The following ERCC4 variants were observed in gnomAD, a reference collection of about 807,000 sequenced individuals.
The protein encoded by ERCC4 is ERCC excision repair 4, endonuclease catalytic subunit.
ERCC4 carries 65 observed loss-of-function variants against 76.9 expected under a neutral mutation model. The observed-to-expected ratio is 0.84, with a 90% confidence interval of 0.69 to 1.04. The LOEUF (loss-of-function observed/expected upper bound fraction) is 1.04, where lower values mean the gene tolerates loss of function less well. ERCC4 is among the 50% of genes least tolerant of loss of function. The pLI is 0.00. For missense variants in ERCC4, 1,214 were observed against 1,128.2 expected, an observed-to-expected ratio of 1.08 and a Z score of -1.09; for synonymous variants, 463 against 410.1, an observed-to-expected ratio of 1.13 and a Z score of -1.56.
intron 5 of ERCC4, chr16:13,931,181 G>A: frequency 2.8e-6 from 1 of 359,420 alleles, no homozygotes; most frequent in Non-Finnish European, 5.1e-6. Flanking sequence ...AATAGGTTGT[G>A]TTCTGGAAGT....
At chr16:13,920,702 C>T (rs1035526637) in intron 1 of ERCC4, among the ~76,000 whole-genome samples, 40 of 151,922 alleles carry the variant, frequency 2.6e-4, no homozygotes, top group African/African-American at 8.9e-4. Context: ...GTCCCTGACA[C>T]TGTGCGGGGA....
chr16:13,948,280 A>G lies in ERCC4; in HGVS notation c.2684A>G (p.Lys895Arg), dbSNP rs1459681202. 1.2e-6 allele frequency: 2 copies of G among 1,613,984 alleles called. No individual in the cohort carries two copies. Among genetic ancestry groups the G allele is most frequent in the Admixed American group, 1.7e-5 (1 of 59,998 alleles). ...TSILGNAANA[K>R]QLYDFIHTSF... The stretch of plus-strand genomic sequence containing the variant: ...ATTCTGGGGAATGCTGCAAATGCCA[A>G]ACAGCTTTATGATTTCATTCACACC... The change falls in exon 11 of 11, where the codon AAA becomes AGA. Residue 895 changes from lysine to arginine, a missense_variant. Lys to Arg is a conservative substitution (Grantham distance 26). Coordinates refer to ENST00000311895, the MANE Select transcript of ERCC4 (RefSeq NM_005236.3).
chr16:13,921,453 C>G (rs2238462), intron 1 of ERCC4, among the ~76,000 whole-genome samples: 35,494 of 152,054 alleles, frequency 0.23, 4,427 homozygotes, highest in Middle Eastern at 0.32. Context: ...TGACCACAGT[C>G]TCTTTGAGGG....
At position 13,935,197 on chromosome 16, in the gene ERCC4, A is replaced by C; in HGVS notation, c.1265A>C (p.Asp422Ala). The C allele has an allele frequency of 6.2e-7, 1 of 1,614,088 alleles. No individual in the cohort carries two copies. The highest frequency in any genetic ancestry group is 1.1e-5 in the South Asian group (1 of 91,084). ...SDDRTCSQLR[D>A]YITLGAEAFL... ...GACCGAACATGTTCCCAGCTGAGAG[A>C]CTATATCACTCTTGGAGCGGAGGCC... is the stretch of plus-strand genomic sequence containing the variant. Residue 422 changes from aspartate (D) to alanine (A), a missense_variant, in exon 8 of 11, where the codon GAC becomes GCC. Asp to Ala is a moderately radical substitution (Grantham distance 126). Coordinates refer to ENST00000311895, the MANE Select transcript of ERCC4 (RefSeq NM_005236.3).
Position 13,922,218 on chromosome 16 carries a change from A to G in ERCC4, c.388+7A>G. On this transcript the variant is annotated splice_region_variant and intron_variant, in intron 2 of 10. Transcript: ENST00000311895. Reference sequence around the variant, plus strand: ...CCTTCAGATTTAATTACTGGTAAGAATTTGAAATCTTATTATTAGTATGTA... The same window carrying G: ...CCTTCAGATTTAATTACTGGTAAGAGTTTGAAATCTTATTATTAGTATGTA... The G allele has an allele frequency of 1.9e-6, 3 of 1,568,168 alleles. No individual in the cohort carries two copies. The highest frequency in any genetic ancestry group is 2.6e-6 in the Non-Finnish European group (3 of 1,140,498).
intron 9 of ERCC4, among the ~76,000 whole-genome samples, chr16:13,941,562 G>A (rs1399714471): frequency 6.6e-6 from 1 of 152,162 alleles, no homozygotes; most frequent in East Asian, 1.9e-4. Context: ...AACCAGAAAG[G>A]AACAAATCAG....
intron 9 of ERCC4, among the ~76,000 whole-genome samples, chr16:13,942,736 C>G (rs1441867205): frequency 1.3e-5 from 2 of 152,152 alleles, no homozygotes; most frequent in Admixed American, 1.3e-4. Context: ...CTCTAACCCC[C>G]TAAGATTATA....
intron 8 of ERCC4, among the ~76,000 whole-genome samples, chr16:13,936,337 C>T (rs1322830910): frequency 6.6e-6 from 1 of 152,208 alleles, no homozygotes; most frequent in Non-Finnish European, 1.5e-5. Flanking sequence ...ATATCCTGAA[C>T]TCAGTCTGAA....
At chr16:13,947,168 T>A (rs928655946) in intron 10 of ERCC4, among the ~76,000 whole-genome samples, 8 of 152,174 alleles carry the variant, frequency 5.3e-5, no homozygotes, top group African/African-American at 1.9e-4. Flanking sequence ...CCTTTCCCCA[T>A]CTCTGGACTC....
chr16:13,940,686 A>G (rs3136188), intron 9 of ERCC4, among the ~76,000 whole-genome samples: 14 of 152,232 alleles, frequency 9.2e-5, no homozygotes, highest in Admixed American at 4.6e-4. Flanking sequence ...GACATTTACG[A>G]TAAATCACAT....
intron 4 of ERCC4, among the ~76,000 whole-genome samples, chr16:13,930,259 G>C (rs1179537356): frequency 2.6e-5 from 4 of 151,878 alleles, no homozygotes; most frequent in African/African-American, 4.8e-5. Context: ...CCTCTGCTTG[G>C]TCCATTTGGA....
chr16:13,935,096 T>C (rs370030513), intron 7 of ERCC4, 50 bp from the exon 8 acceptor site: 18 of 1,382,420 alleles, frequency 1.3e-5, no homozygotes, highest in African/African-American at 4.2e-5. Flanking sequence ...ACAGGGAAAC[T>C]AGGAGGACAA....
chr16:13,946,365 T>C (rs1596635062), intron 10 of ERCC4, among the ~76,000 whole-genome samples: 2 of 152,258 alleles, frequency 1.3e-5, no homozygotes, highest in Non-Finnish European at 1.5e-5. Context: ...CTATGGCTCC[T>C]GGGCCACAAA....
In ERCC4 at chr16:13,949,619, C is replaced by T. The variant is rs889772396; in HGVS notation, c.*1272C>T. 5.6e-5 allele frequency: 13 copies of T among 232,332 alleles called. No individual in the cohort carries two copies. In the South Asian group the frequency reaches 7.3e-4, roughly 13 times the overall value. The allele number at this position is 232,332 out of a possible 1,614,324, so 14.4% of individuals were successfully genotyped here. ...TCAATGTATGGAATATATAAAAATA[C>T]GAAAGAAATATATACGTTTAAAAAT... is the stretch of plus-strand genomic sequence containing the variant. On this transcript the variant is annotated 3_prime_UTR_variant, in exon 11 of 11. Transcript: ENST00000311895.
chr16:13,935,329 A>G lies in ERCC4; in HGVS notation c.1397A>G (p.His466Arg). ...AGTTCAAAGAGAATTAGGAAATCTC[A>G]CAAAAGACCTAAAGACCCCCAAAAC... ...EDSSKRIRKS[H>R]KRPKDPQNKE... is the part of the protein sequence containing the mutation. Residue 466 changes from histidine (H) to arginine (R), a missense_variant, in exon 8 of 11, where the codon CAC becomes CGC. Physicochemically the swap from His to Arg is conservative, Grantham distance 29. Coordinates refer to ENST00000311895, the MANE Select transcript of ERCC4 (RefSeq NM_005236.3). The G allele has an allele frequency of 6.2e-7, 1 of 1,613,386 alleles. No homozygotes were observed. The highest frequency in any genetic ancestry group is 8.5e-7 in the Non-Finnish European group (1 of 1,179,638).
At chr16:13,921,266 C>G (rs1281704730) in intron 1 of ERCC4, among the ~76,000 whole-genome samples, 1 of 152,084 alleles carries the variant, frequency 6.6e-6, no homozygotes, top group Non-Finnish European at 1.5e-5. Context: ...GAGCTTGACG[C>G]TGAGGATGTT....
rs761092120 is a variant in ERCC4, at chr16:13,926,693, G to A, written c.521G>A (p.Gly174Asp). The A allele has an allele frequency of 1.7e-5, 28 of 1,614,012 alleles. 1 individual carries two copies. The South Asian group carries it at 3.1e-4, about 18-fold the overall frequency. Residue 174 changes from glycine (G) to aspartate (D), a missense_variant, in exon 3 of 11, where the codon GGT becomes GAT. By Grantham distance (94) the Gly-to-Asp change is moderately conservative. Coordinates refer to ENST00000311895, the MANE Select transcript of ERCC4 (RefSeq NM_005236.3). ...GACAATGCTGTTGCCTTTGATACTGGTTTTTGTCATGTGGAAAGAGTGATG... is the reference window on the plus strand; with the variant it reads ...GACAATGCTGTTGCCTTTGATACTGATTTTTGTCATGTGGAAAGAGTGATG... Reference protein sequence around the residue: ...FTDNAVAFDTGFCHVERVMRN... With the variant: ...FTDNAVAFDTDFCHVERVMRN...
intron 10 of ERCC4, among the ~76,000 whole-genome samples, 181 bp from the exon 11 acceptor site, chr16:13,947,433 G>C (rs1332350694): frequency 6.6e-6 from 1 of 152,208 alleles, no homozygotes; most frequent in Non-Finnish European, 1.5e-5. Flanking sequence ...TCCTTCAAGG[G>C]AAATTGCCTC....
At position 13,935,411 on chromosome 16, in the gene ERCC4, C is replaced by T. The variant is rs1157264999; in HGVS notation, c.1479C>T (p.Thr493=). ...TCAAAAAGAAAAAACGGAAGTTGAC[C>T]TTAACTCAAATGGTAGGAAAACCTG... ...RTLKKKKRKL[T]LTQMVGKPEE... is the part of the protein sequence containing the mutation. Residue 493 remains threonine (T), a synonymous_variant, in exon 8 of 11, where the codon ACC becomes ACT. Transcript: ENST00000311895. 6.2e-7 allele frequency: 1 copy of T among 1,612,884 alleles called. No homozygotes were observed. The highest frequency in any genetic ancestry group is 8.5e-7 in the Non-Finnish European group (1 of 1,179,734).
Sources: gnomAD v4.1 joint callset for allele counts (sites outside exome capture counted in the v4.1 genomes callset) on GRCh38, gnomAD v4.1.1 for gene constraint, MANE v1.5 for transcripts, NCBI Gene and HGNC (gene_info 2026-07-23, HGNC 2026-07-21) for gene names.